The following FSTL1 variants were observed in gnomAD, a reference collection of about 807,000 sequenced individuals.
FSTL1 encodes follistatin like 1, also known as follistatin-related protein 1.
FSTL1 carries 24 observed loss-of-function variants against 45.9 expected under a neutral mutation model. The ratio of observed to expected loss-of-function variants is 0.52; its 90% CI spans 0.38 to 0.74. FSTL1 has a LOEUF of 0.74. Among genes scored for constraint, FSTL1 ranks in the 30% least tolerant of loss-of-function variants. The pLI is 0.00. For missense variants in FSTL1, 340 were observed against 381.8 expected, an observed-to-expected ratio of 0.89 and a Z score of 0.91; for synonymous variants, 120 against 137.6, an observed-to-expected ratio of 0.87 and a Z score of 0.89.
At chr3:120,403,182 C>G in intron 8 of FSTL1, 60 bp downstream of exon 8, 1 of 938,772 alleles carries the variant, frequency 1.1e-6, no homozygotes, top group African/African-American at 1.6e-5. Flanking sequence ...TCCTCTCTAT[C>G]TTGGCTCCTA....
rs186581847 is a variant in FSTL1 at position 120,443,112 on chromosome 3, A to G, written c.63+7572T>C. 2.0e-3 allele frequency among the ~76,000 whole-genome samples: 293 copies of G among 149,408 alleles called. 3 individuals carry two copies. Among genetic ancestry groups the G allele is most frequent in the South Asian group, 0.012 (56 of 4,814 alleles). The stretch of plus-strand genomic sequence containing the variant: ...GTATAATAATAATAAATTAAAAAAA[A>G]AAGTTCCACACAAAAAGCTGCCATC... On this transcript the variant is annotated intron_variant, in intron 2 of 10. Coordinates refer to ENST00000295633, the MANE Select transcript of FSTL1 (RefSeq NM_007085.5).
At chr3:120,435,370 CAG>C (rs1356704285) in intron 2 of FSTL1, among the ~76,000 whole-genome samples, 5 of 152,296 alleles carry the variant, frequency 3.3e-5, no homozygotes, top group South Asian at 4.1e-4. Flanking sequence ...CTAAAATTAA[CAG>C]AGTTTCCCAC....
At chr3:120,423,644 G>A (rs1396531281) in intron 2 of FSTL1, 1 of 152,062 alleles carries the variant, frequency 6.6e-6, no homozygotes, top group African/African-American at 2.4e-5. Context: ...CCACAGTGAC[G>A]AGTTGGAGAG....
chr3:120,416,123 T>C, intron 2 of FSTL1, 96 bp from the exon 3 acceptor site: 1 of 938,180 alleles, frequency 1.1e-6, no homozygotes, highest in South Asian at 1.3e-5. Context: ...TGGGCTTTGC[T>C]CTGGAGTCAT....
chr3:120,448,129 T>C (rs1416132683), intron 2 of FSTL1, among the ~76,000 whole-genome samples: 1 of 152,260 alleles, frequency 6.6e-6, no homozygotes, highest in Non-Finnish European at 1.5e-5. Context: ...TTAAATTGTT[T>C]AAAAATATGC....
At chr3:120,445,765 C>T (rs1937724776) in intron 2 of FSTL1, among the ~76,000 whole-genome samples, 1 of 149,794 alleles carries the variant, frequency 6.7e-6, no homozygotes, top group Admixed American at 6.6e-5. Flanking sequence ...ATTTAAAGCA[C>T]CTGGACCCAC....
intron 3 of FSTL1, among the ~76,000 whole-genome samples, chr3:120,415,503 A>G (rs553171876): frequency 1.3e-5 from 2 of 152,330 alleles, no homozygotes; most frequent in South Asian, 4.1e-4. Flanking sequence ...TGCATAAAAT[A>G]GGGGGAACCA....
chr3:120,422,783 C>T (rs1157871896), intron 2 of FSTL1, among the ~76,000 whole-genome samples: 1 of 152,062 alleles, frequency 6.6e-6, no homozygotes, highest in East Asian at 1.9e-4. Context: ...TAACTTCCAC[C>T]TCCCGGGTTC....
intron 2 of FSTL1, among the ~76,000 whole-genome samples, chr3:120,427,495 C>A (rs377531741): frequency 1.3e-5 from 2 of 152,132 alleles, no homozygotes; most frequent in Non-Finnish European, 2.9e-5. Flanking sequence ...GGGATAGGGA[C>A]AGAGAGGAAC....
At chr3:120,425,654 G>A (rs1161621387) in intron 2 of FSTL1, among the ~76,000 whole-genome samples, 1 of 152,172 alleles carries the variant, frequency 6.6e-6, no homozygotes, top group Non-Finnish European at 1.5e-5. Flanking sequence ...TACCACTTCA[G>A]ATGTTCCTGA....
rs1452052445 is a variant in FSTL1 at position 120,411,185 on chromosome 3, T to G, written c.299-201A>C. On this transcript the variant is annotated intron_variant, in intron 4 of 10. Coordinates refer to ENST00000295633, the MANE Select transcript of FSTL1 (RefSeq NM_007085.5). ...TCTGTCTCCTGCTTTGTCTGACAAT[T>G]TAGGGCCACTGAGTTACCCTTCTGG... The G allele has an allele frequency of 3.9e-5, 20 of 513,912 alleles. No homozygotes were observed. In the East Asian group the frequency reaches 6.8e-4, roughly 18 times the overall value. 31.8% of individuals were successfully genotyped at this position (513,912 alleles called of 1,614,324 possible).
In FSTL1 at chr3:120,450,759, G is replaced by A. The variant is rs778718319; in HGVS notation, c.1-13C>T. ...AGCGTTTCCACATCTGCGGAAGAGA[G>A]AAGAGAGCGAGTCTGAAGGCGCCGG... On this transcript the variant is annotated splice_polypyrimidine_tract_variant and intron_variant, in intron 1 of 10. Transcript: ENST00000295633. 5.4e-5 allele frequency: 85 copies of A among 1,570,380 alleles called. No homozygotes were observed. In the African/African-American group the frequency reaches 1.1e-3, roughly 21 times the overall value.
chr3:120,402,988 G>T, intron 8 of FSTL1, 70 bp from the exon 9 acceptor site: 1 of 1,014,794 alleles, frequency 9.9e-7, no homozygotes, highest in Middle Eastern at 2.0e-4. Flanking sequence ...GCTACAGTCT[G>T]TGCACCTTAC....
At chr3:120,413,642 T>C (rs1937113920) in intron 3 of FSTL1, among the ~76,000 whole-genome samples, 1 of 152,014 alleles carries the variant, frequency 6.6e-6, no homozygotes, top group Admixed American at 6.6e-5. Context: ...GTTTCCAGGC[T>C]ATGGGTTGTT....
intron 7 of FSTL1, 134 bp from the exon 8 acceptor site, chr3:120,403,488 T>G: frequency 1.7e-6 from 1 of 592,090 alleles, no homozygotes; most frequent in Non-Finnish European, 3.0e-6. Context: ...TAAAACAGCC[T>G]CTCTCTACAC....
At chr3:120,421,026 T>C (rs1356122326) in intron 2 of FSTL1, 1 of 152,196 alleles carries the variant, frequency 6.6e-6, no homozygotes, top group African/African-American at 2.4e-5. Flanking sequence ...CCAGTAGAGG[T>C]GATCGTGCAT....
chr3:120,402,859 G>T lies in FSTL1; in HGVS notation c.754C>A (p.Arg252Ser). The T allele has an allele frequency of 6.2e-7, 1 of 1,613,406 alleles. No homozygotes were observed. Among genetic ancestry groups the T allele is most frequent in the Non-Finnish European group, 8.5e-7 (1 of 1,179,458 alleles). Residue 252 changes from arginine to serine, a missense_variant, in exon 9 of 11, where the codon CGC becomes AGC. Arg to Ser is a moderately radical substitution (Grantham distance 110). Coordinates refer to ENST00000295633, the MANE Select transcript of FSTL1 (RefSeq NM_007085.5). ...CAATTTCCACAGGCACAGACACAGCGGTTACAGTCCACCTCGGTCTCAGCT... is the reference window on the plus strand; with the variant it reads ...CAATTTCCACAGGCACAGACACAGCTGTTACAGTCCACCTCGGTCTCAGCT... ...DGAETEVDCN[R>S]CVCACGNWVC... is the part of the protein sequence containing the mutation.
intron 2 of FSTL1, among the ~76,000 whole-genome samples, chr3:120,418,656 C>T (rs1937228423): frequency 6.6e-6 from 1 of 152,150 alleles, no homozygotes; most frequent in South Asian, 2.1e-4. Flanking sequence ...GTTAAGAGTG[C>T]GTCAGAGATT....
chr3:120,398,824 A>C (rs1576205138), intron 10 of FSTL1, among the ~76,000 whole-genome samples: 1 of 152,364 alleles, frequency 6.6e-6, no homozygotes, highest in South Asian at 2.1e-4. Context: ...CTGATATTCT[A>C]GACGAAAGTA....
Sources: allele counts gnomAD v4.1 joint callset (sites outside exome capture counted in the v4.1 genomes callset), GRCh38; gene constraint gnomAD v4.1.1; transcripts MANE v1.5; gene names NCBI Gene and HGNC (gene_info 2026-07-23, HGNC 2026-07-21).